KHNYN: variants seen among roughly 807,000 people sequenced by gnomAD.
The protein encoded by KHNYN is KH and NYN domain containing.
In KHNYN, 42 loss-of-function variants were observed where a neutral mutation model predicts 62.7. That is an observed-to-expected ratio of 0.67 (90% CI 0.52 to 0.87). The LOEUF (loss-of-function observed/expected upper bound fraction) is 0.87. Ranked by LOEUF, KHNYN falls within the 40% of genes least tolerant of loss-of-function variation. The pLI, the probability that KHNYN is intolerant of heterozygous loss-of-function variation, is 0.00. For synonymous variants in KHNYN, 347 were observed against 345.6 expected, an observed-to-expected ratio of 1.00 and a Z score of -0.04; for missense variants, 829 against 874.1, an observed-to-expected ratio of 0.95 and a Z score of 0.65.
Position 24,440,472 on chromosome 14 carries a change from C to T in KHNYN, c.*3187C>T, listed in dbSNP as rs779252325. On this transcript the variant is annotated 3_prime_UTR_variant, in exon 8 of 8. Transcript: ENST00000553935. Reference sequence around the variant, plus strand: ...AGCAGCATGTGGCCCATGGCACCACCCCCACGGCCCAGCACAACCCCTAGA... The same window carrying T: ...AGCAGCATGTGGCCCATGGCACCACTCCCACGGCCCAGCACAACCCCTAGA... 1.9e-6 allele frequency: 3 copies of T among 1,607,456 alleles called. No homozygotes were observed. Among genetic ancestry groups the T allele is most frequent in the Non-Finnish European group, 2.5e-6 (3 of 1,176,972 alleles).
Position 24,430,832 on chromosome 14 carries a change from C to T in KHNYN, c.102C>T (p.Ile34=). The change falls in exon 2 of 8, where the codon ATC becomes ATT. Residue 34 remains isoleucine, a synonymous_variant. Transcript: ENST00000553935. ...AACAGCAGCCCCATGTGGAGCGCAT[C>T]TTCAGCGTGGGGGTGAGCGTCCTTC... ...VREQQPHVER[I]FSVGVSVLPK... 6.2e-7 allele frequency: 1 copy of T among 1,613,280 alleles called. No homozygotes were observed. The highest frequency in any genetic ancestry group is 8.5e-7 in the Non-Finnish European group (1 of 1,179,678).
rs2043142838 is a variant in KHNYN at position 24,432,720 on chromosome 14, A to G, written c.1350-2A>G. The G allele has an allele frequency of 6.2e-7, 1 of 1,614,024 alleles. No individual in the cohort carries two copies. Among genetic ancestry groups the G allele is most frequent in the African/African-American group, 1.3e-5 (1 of 74,914 alleles). On this transcript the variant is annotated splice_acceptor_variant, in intron 3 of 7. Coordinates refer to ENST00000553935, the MANE Select transcript of KHNYN (RefSeq NM_015299.3). LOFTEE classifies it high-confidence loss of function. This position sits in a 1 kb window ranked among gnomAD's most constrained non-coding sequence, Gnocchi z 5.6. Reference sequence around the variant, plus strand: ...CCTCTGGCCGACCCCCTCCCACTACAGGCATGGCCTCCAGCACTACTTCTC... The same window carrying G: ...CCTCTGGCCGACCCCCTCCCACTACGGGCATGGCCTCCAGCACTACTTCTC...
In KHNYN at chr14:24,436,388, C is replaced by A; in HGVS notation, c.1686C>A (p.Arg562=). 1.9e-6 allele frequency: 3 copies of A among 1,613,782 alleles called. No individual in the cohort carries two copies. Among genetic ancestry groups the A allele is most frequent in the South Asian group, 1.1e-5 (1 of 91,072 alleles). ...CCACACATTATCTTTCGCCATCCAGCCTGCTGCCCTTTACCTTTGTGGGAA... is the reference window on the plus strand; with the variant it reads ...CCACACATTATCTTTCGCCATCCAGACTGCTGCCCTTTACCTTTGTGGGAA... The part of the protein sequence containing the change: ...SEKWMAIIRE[R]LLPFTFVGNL... The change falls in exon 7 of 8, where the codon CGC becomes CGA. Residue 562 remains arginine, a splice_region_variant and synonymous_variant. Transcript: ENST00000553935.
intron 7 of KHNYN, 137 bp from the exon 8 acceptor site, chr14:24,436,899 A>C (rs1426781513): frequency 8.7e-7 from 1 of 1,144,438 alleles, no homozygotes; most frequent in East Asian, 2.4e-5. Context: ...ACTGCCACTC[A>C]GTGGTCAGCT....
At chr14:24,433,923 A>T (rs1047143695) in intron 5 of KHNYN, among the ~76,000 whole-genome samples, 1 of 152,232 alleles carries the variant, frequency 6.6e-6, no homozygotes, top group African/African-American at 2.4e-5. Flanking sequence ...AAGTTAAAAA[A>T]TTTACAAGTT....
chr14:24,441,130 T>TA lies in KHNYN; in HGVS notation c.*3846dup. ...GGAACTCTGGTTGCAGGGCTAAACTTAGAGGCTGCTAGAGTGTAGTGGTTA... is the reference window on the plus strand; with the variant it reads ...GGAACTCTGGTTGCAGGGCTAAACTTAAGAGGCTGCTAGAGTGTAGTGGTTA... On this transcript the variant is annotated 3_prime_UTR_variant, in exon 8 of 8. Transcript: ENST00000553935. The TA allele has an allele frequency of 2.9e-6, 2 of 681,574 alleles. No individual in the cohort carries two copies. Among genetic ancestry groups the TA allele is most frequent in the South Asian group, 1.5e-5 (1 of 65,956 alleles). 42.2% of individuals were successfully genotyped at this position (681,574 alleles called of 1,614,324 possible). A position where few individuals can be genotyped will look rare whatever the true frequency, so the allele number is the denominator to read the frequency against.
chr14:24,429,134 C>G (rs989682311), upstream of KHNYN: 1 of 1,408,886 alleles, frequency 7.1e-7, no homozygotes, highest in Non-Finnish European at 9.4e-7. Context: ...GGATTCTCAC[C>G]GCCGGCACCC....
chr14:24,429,777 G>A (rs903418437), upstream of KHNYN: 3 of 985,370 alleles, frequency 3.0e-6, no homozygotes, highest in African/African-American at 1.7e-5. Flanking sequence ...CTGAGGGCCG[G>A]GAGACAGACG....
chr14:24,437,267 G>T lies in KHNYN; in HGVS notation c.2019G>T (p.Leu673=). ...CRDINQLSEA[L]LSLNF ...ACATCAACCAACTGTCTGAGGCCCT[G>T]CTCAGTCTTAACTTTTGAGCCTCAC... The change falls in exon 8 of 8, where the codon CTG becomes CTT. Residue 673 remains leucine, a synonymous_variant. Transcript: ENST00000553935. The surrounding 1 kb of genome is among the most constrained non-coding windows in gnomAD (Gnocchi z 5.5). 6.2e-7 allele frequency: 1 copy of T among 1,613,714 alleles called. No individual in the cohort carries two copies. The highest frequency in any genetic ancestry group is 1.1e-5 in the South Asian group (1 of 91,026).
chr14:24,432,840 G>A lies in KHNYN; in HGVS notation c.1468G>A (p.Ala490Thr). Residue 490 changes from alanine (A) to threonine (T), a missense_variant, in exon 4 of 8, where the codon GCC (alanine) becomes ACC (threonine). Transcript: ENST00000553935. This position sits in a 1 kb window ranked among gnomAD's most constrained non-coding sequence, Gnocchi z 5.6. Reference sequence around the variant, plus strand: ...GCCTCAGTGGCGCTTCAGTAAGGATGCCAAAGTCAGAGGTGAGTTGGGCCT... The same window carrying A: ...GCCTCAGTGGCGCTTCAGTAAGGATACCAAAGTCAGAGGTGAGTTGGGCCT... ...FVPQWRFSKDAKVRESHFLQK... is the reference protein window; with the variant it reads ...FVPQWRFSKDTKVRESHFLQK... 1 of 1,614,210 alleles carries A rather than the reference G, an allele frequency of 6.2e-7. No homozygotes were observed. The highest frequency in any genetic ancestry group is 8.5e-7 in the Non-Finnish European group (1 of 1,180,024).
rs148672414 is a variant in KHNYN at position 24,431,961 on chromosome 14, T to A, written c.700T>A (p.Ser234Thr). Reference sequence around the variant, plus strand: ...AGCTCCCCCTAGTGACGGCAGGGAGTCCCTGGACACTGGATCTATGGGACC... The same window carrying A: ...AGCTCCCCCTAGTGACGGCAGGGAGACCCTGGACACTGGATCTATGGGACC... ...VRAPPSDGRESLDTGSMGPGD... is the reference protein window; with the variant it reads ...VRAPPSDGRETLDTGSMGPGD... The change falls in exon 3 of 8, where the codon TCC becomes ACC. Residue 234 changes from serine (S) to threonine (T), a missense_variant. Physicochemically the swap from Ser to Thr is moderately conservative, Grantham distance 58. Transcript: ENST00000553935. 31 of 1,612,540 alleles carry A rather than the reference T, an allele frequency of 1.9e-5. No homozygotes were observed. The African/African-American group carries it at 3.3e-4, about 17-fold the overall frequency.
intron 5 of KHNYN, chr14:24,434,440 C>T (rs2043174208): frequency 1.1e-6 from 1 of 907,946 alleles, no homozygotes; most frequent in African/African-American, 1.8e-5. Context: ...GAGCCTTGCT[C>T]TGTCGCCACG....
intron 5 of KHNYN, 54 bp from the exon 6 acceptor site, chr14:24,436,018 T>A: frequency 7.6e-7 from 1 of 1,314,880 alleles, no homozygotes; most frequent in Non-Finnish European, 1.1e-6. Context: ...GTGAACATTG[T>A]ACCCAGTAGG....
Position 24,441,090 on chromosome 14 carries a change from C to T in KHNYN, c.*3805C>T, listed in dbSNP as rs754074089. On this transcript the variant is annotated 3_prime_UTR_variant, in exon 8 of 8. Coordinates refer to ENST00000553935, the MANE Select transcript of KHNYN (RefSeq NM_015299.3). The stretch of plus-strand genomic sequence containing the variant: ...CCTTGAACTTCTCCATGACCTGAAG[C>T]GTTCCTTCCCTGGAGGAACTCTGGT... The T allele has an allele frequency of 3.9e-5, 29 of 751,430 alleles. No individual in the cohort carries two copies. The highest frequency in any genetic ancestry group is 2.0e-4 in the South Asian group (13 of 66,192). 46.5% of individuals were successfully genotyped at this position (751,430 alleles called of 1,614,324 possible).
chr14:24,440,796 C>G lies in KHNYN; in HGVS notation c.*3511C>G, dbSNP rs756881804. ...CCCGTTTCTCACCTGAGCGCACCAC[C>G]ACCTGGCGTGTAGAATCTCCAGGAA... On this transcript the variant is annotated 3_prime_UTR_variant, in exon 8 of 8. Transcript: ENST00000553935. 24 of 1,613,938 alleles carry G rather than the reference C, an allele frequency of 1.5e-5. No individual in the cohort carries two copies. The highest frequency in any genetic ancestry group is 1.9e-5 in the Non-Finnish European group (23 of 1,179,854).
rs979523567 is a variant in KHNYN at position 24,431,875 on chromosome 14, C to A, written c.614C>A (p.Ala205Glu). Reference sequence around the variant, plus strand: ...GCGTCTAGTGGGCAGGGGCCAGGAGCACTGGCTTCTTGGGAGGGGCGGAGC... The same window carrying A: ...GCGTCTAGTGGGCAGGGGCCAGGAGAACTGGCTTCTTGGGAGGGGCGGAGC... ...QEASSGQGPGALASWEGRSSA... is the reference protein window; with the variant it reads ...QEASSGQGPGELASWEGRSSA... Residue 205 changes from alanine (A) to glutamate (E), a missense_variant, in exon 3 of 8, where the codon GCA (alanine) becomes GAA (glutamate). Physicochemically the swap from Ala to Glu is moderately radical, Grantham distance 107 (BLOSUM62 -1). Coordinates refer to ENST00000553935, the MANE Select transcript of KHNYN (RefSeq NM_015299.3). 1.2e-6 allele frequency: 2 copies of A among 1,614,062 alleles called. No homozygotes were observed. Among genetic ancestry groups the A allele is most frequent in the Admixed American group, 3.3e-5 (2 of 60,036 alleles).
intron 5 of KHNYN, among the ~76,000 whole-genome samples, chr14:24,433,927 A>G (rs1437626552): frequency 6.6e-6 from 1 of 152,232 alleles, no homozygotes; most frequent in Admixed American, 6.5e-5. Context: ...TAAAAAATTT[A>G]CAAGTTCTTT....
chr14:24,426,475 T>C (rs2043021191), upstream of KHNYN: 1 of 152,072 alleles, frequency 6.6e-6, no homozygotes, highest in Non-Finnish European at 1.5e-5. Context: ...AAGTTATTTC[T>C]TTTCAAAACC....
In KHNYN at chr14:24,437,177, G is replaced by A. The variant is rs1234694214; in HGVS notation, c.1929G>A (p.Leu643=). 1.2e-6 allele frequency: 2 copies of A among 1,614,222 alleles called. No individual in the cohort carries two copies. Among genetic ancestry groups the A allele is most frequent in the Admixed American group, 1.7e-5 (1 of 60,032 alleles). Residue 643 remains leucine, a synonymous_variant, in exon 8 of 8, where the codon CTG becomes CTA. Transcript: ENST00000553935. The surrounding 1 kb of genome is among the most constrained non-coding windows in gnomAD (Gnocchi z 5.5). ...CAGAGCGGCTCCGGCGGCAGCTGCT[G>A]GAGGTGTTTTGGGGTCAGGATCACA... The part of the protein sequence containing the change: ...RETERLRRQL[L]EVFWGQDHKV...
Sources: allele counts gnomAD v4.1 joint callset (sites outside exome capture counted in the v4.1 genomes callset), GRCh38; gene constraint gnomAD v4.1.1; non-coding constraint Gnocchi (gnomAD v3.1); transcripts MANE v1.5; gene names NCBI Gene and HGNC (gene_info 2026-07-23, HGNC 2026-07-21).